SLC24A3: variants seen among roughly 807,000 people sequenced by gnomAD.
SLC24A3 encodes the protein sodium/potassium/calcium exchanger 3.
A neutral mutation model predicts 75.8 loss-of-function variants in SLC24A3; 28 were observed. The observed-to-expected ratio is 0.37, with a 90% confidence interval of 0.27 to 0.51. SLC24A3 has a LOEUF of 0.51. SLC24A3 is among the 20% of genes least tolerant of loss of function. The pLI is 0.94. For synonymous variants in SLC24A3, 372 were observed against 334.1 expected (o/e 1.11, Z -1.24); for missense variants, 663 against 847.8 (o/e 0.78, Z 2.71).
intron 6 of SLC24A3, among the ~76,000 whole-genome samples, chr20:19,595,849 G>A (rs1384041162): frequency 1.3e-5 from 2 of 152,136 alleles, no homozygotes; most frequent in Non-Finnish European, 1.5e-5. Context: ...GGGTGATCGG[G>A]GAAGTGTCTC....
chr20:19,534,131 G>A (rs2030353294), intron 3 of SLC24A3, among the ~76,000 whole-genome samples: 1 of 152,244 alleles, frequency 6.6e-6, no homozygotes, highest in Non-Finnish European at 1.5e-5. Context: ...TACATAAATA[G>A]CAAAGCTTGG....
At chr20:19,433,127 G>T (rs1292375654) in intron 2 of SLC24A3, among the ~76,000 whole-genome samples, 2 of 152,130 alleles carry the variant, frequency 1.3e-5, no homozygotes, top group Non-Finnish European at 2.9e-5. Flanking sequence ...AGGATTTAAT[G>T]GAACATGCCC....
chr20:19,715,254 G>A (rs553104844), intron 15 of SLC24A3, among the ~76,000 whole-genome samples: 2 of 152,278 alleles, frequency 1.3e-5, no homozygotes, highest in East Asian at 1.9e-4. Flanking sequence ...ACCCATTTGC[G>A]ATGCAGTCTT....
At chr20:19,420,724 C>A (rs888321277) in intron 2 of SLC24A3, among the ~76,000 whole-genome samples, 1 of 87,962 alleles carries the variant, frequency 1.1e-5, no homozygotes, top group African/African-American at 5.5e-5. Context: ...AAAAAAGAGC[C>A]CGCATCGCCA....
At chr20:19,654,893 C>T (rs942003660) in intron 7 of SLC24A3, among the ~76,000 whole-genome samples, 12 of 151,994 alleles carry the variant, frequency 7.9e-5, no homozygotes, top group Admixed American at 7.2e-4. Flanking sequence ...GTGATCTGCC[C>T]GTCTCAGCCT....
chr20:19,280,925 G>C lies in SLC24A3; in HGVS notation c.143-34G>C, dbSNP rs1220886083. The C allele has an allele frequency of 3.1e-6, 5 of 1,608,068 alleles. No individual in the cohort carries two copies. In the Admixed American group the frequency reaches 5.1e-5, roughly 16 times the overall value. On this transcript the variant is annotated intron_variant, in intron 1 of 16. Coordinates refer to ENST00000328041, the MANE Select transcript of SLC24A3 (RefSeq NM_020689.4). The stretch of plus-strand genomic sequence containing the variant: ...TCGGCAGAGGCTGAAACCCAGCTGT[G>C]AATGATGTGTGGTTATTGTCTTTGT...
chr20:19,519,515 C>A (rs1381698872), intron 3 of SLC24A3, among the ~76,000 whole-genome samples: 1 of 152,180 alleles, frequency 6.6e-6, no homozygotes, highest in East Asian at 1.9e-4. Flanking sequence ...GTTTCTGTTC[C>A]TTCTGGCTGT....
At chr20:19,708,913 G>A (rs1188564318) in intron 15 of SLC24A3, among the ~76,000 whole-genome samples, 3 of 152,208 alleles carry the variant, frequency 2.0e-5, no homozygotes, top group Non-Finnish European at 4.4e-5. Context: ...GGGCTTACCT[G>A]GAAAGCTGAA....
At chr20:19,685,413 G>A (rs747142885) in intron 12 of SLC24A3, 52 bp downstream of exon 12, 42 of 1,587,902 alleles carry the variant, frequency 2.6e-5, no homozygotes, top group Non-Finnish European at 3.3e-5. Flanking sequence ...GAGCCACTGA[G>A]TAGATGCCCT....
intron 2 of SLC24A3, among the ~76,000 whole-genome samples, chr20:19,369,569 T>C (rs1483518024): frequency 6.6e-6 from 1 of 152,194 alleles, no homozygotes; most frequent in African/African-American, 2.4e-5. Flanking sequence ...ATAGATTAGA[T>C]AATAGTAGTG....
At chr20:19,268,670 G>A (rs1389183098) in intron 1 of SLC24A3, among the ~76,000 whole-genome samples, 28 of 152,078 alleles carry the variant, frequency 1.8e-4, no homozygotes, top group Non-Finnish European at 1.5e-5. Flanking sequence ...CTTCCCATGG[G>A]GCCTCATGTG....
chr20:19,296,334 A>G (rs938748366), intron 2 of SLC24A3, among the ~76,000 whole-genome samples: 5 of 113,978 alleles, frequency 4.4e-5, no homozygotes, highest in African/African-American at 1.7e-4. Flanking sequence ...AGGGTTTCTC[A>G]TGTCTCTGTC....
intron 16 of SLC24A3, among the ~76,000 whole-genome samples, chr20:19,719,180 A>G (rs2122179871): frequency 6.6e-6 from 1 of 152,240 alleles, no homozygotes; most frequent in South Asian, 2.1e-4. Flanking sequence ...ATGAGAGGGT[A>G]GTGCTGTGGA....
At chr20:19,373,932 G>A (rs1004821890) in intron 2 of SLC24A3, among the ~76,000 whole-genome samples, 3 of 152,178 alleles carry the variant, frequency 2.0e-5, no homozygotes, top group Non-Finnish European at 4.4e-5. Flanking sequence ...GTTAATCACA[G>A]CTTCTTTCAG....
intron 2 of SLC24A3, among the ~76,000 whole-genome samples, chr20:19,388,551 A>T (rs1487189760): frequency 1.3e-5 from 2 of 152,180 alleles, no homozygotes; most frequent in Non-Finnish European, 2.9e-5. Context: ...CTCTACTAGA[A>T]ATACAAAAAA....
At chr20:19,332,584 T>C (rs948696749) in intron 2 of SLC24A3, among the ~76,000 whole-genome samples, 3 of 152,210 alleles carry the variant, frequency 2.0e-5, no homozygotes, top group African/African-American at 7.2e-5. Context: ...CTGACTTCTT[T>C]CTGCTGTTGA....
At chr20:19,669,219 C>A (rs143761215) in intron 8 of SLC24A3, among the ~76,000 whole-genome samples, 1 of 152,112 alleles carries the variant, frequency 6.6e-6, no homozygotes, top group Admixed American at 6.5e-5. Flanking sequence ...TAGGAAGCAT[C>A]GGCAGGTCAT....
intron 2 of SLC24A3, among the ~76,000 whole-genome samples, chr20:19,290,519 G>A (rs528890164): frequency 6.6e-6 from 1 of 152,312 alleles, no homozygotes; most frequent in South Asian, 2.1e-4. Flanking sequence ...TGTGAGGCTA[G>A]AGTGAGAAAA....
At chr20:19,588,147 G>T (rs2031325628) in intron 6 of SLC24A3, among the ~76,000 whole-genome samples, 1 of 152,108 alleles carries the variant, frequency 6.6e-6, no homozygotes, top group Non-Finnish European at 1.5e-5. Context: ...CCAGTGGGAG[G>T]TGAAAAAAAA....
Sources: allele counts gnomAD v4.1 joint callset (sites outside exome capture counted in the v4.1 genomes callset), GRCh38; gene constraint gnomAD v4.1.1; transcripts MANE v1.5; gene names NCBI Gene and HGNC (gene_info 2026-07-23, HGNC 2026-07-21).